CPA6: variants seen among roughly 807,000 people sequenced by gnomAD.
CPA6 encodes the protein carboxypeptidase A6.
In CPA6, 58 loss-of-function variants were observed where a neutral mutation model predicts 63.3. That is an observed-to-expected ratio of 0.92 (90% confidence interval 0.74 to 1.14). The LOEUF is 1.14. Among genes scored for constraint, CPA6 ranks in the 50% most tolerant of loss-of-function variants. The pLI is 0.00. For synonymous variants in CPA6, 185 were observed against 179.0 expected, an observed-to-expected ratio of 1.03 and a Z score of -0.27; for missense variants, 565 against 526.6, an observed-to-expected ratio of 1.07 and a Z score of -0.71.
intron 1 of CPA6, among the ~76,000 whole-genome samples, chr8:67,667,698 C>T (rs1039423737): frequency 6.6e-6 from 1 of 152,146 alleles, no homozygotes; most frequent in African/African-American, 2.4e-5. Flanking sequence ...TGATTTCTTT[C>T]AGTATGAGAA....
At chr8:67,504,022 A>G (rs1028448759) in intron 6 of CPA6, among the ~76,000 whole-genome samples, 3 of 152,154 alleles carry the variant, frequency 2.0e-5, no homozygotes, top group Non-Finnish European at 4.4e-5. Context: ...AATCCTCCCA[A>G]TAAGCCAATG....
chr8:67,702,749 G>A (rs1817052637), intron 1 of CPA6, among the ~76,000 whole-genome samples: 1 of 152,170 alleles, frequency 6.6e-6, no homozygotes. Context: ...CCCCTCTCAA[G>A]TGCTAGCAGG....
chr8:67,589,587 A>G (rs1054723476), intron 2 of CPA6, among the ~76,000 whole-genome samples: 6 of 152,298 alleles, frequency 3.9e-5, no homozygotes, highest in African/African-American at 1.4e-4. Flanking sequence ...TAGGGGTCTT[A>G]TCATCATTTT....
intron 8 of CPA6, among the ~76,000 whole-genome samples, chr8:67,473,470 A>G (rs1268890101): frequency 6.6e-6 from 1 of 152,254 alleles, no homozygotes; most frequent in Non-Finnish European, 1.5e-5. Flanking sequence ...AATGTTAGAC[A>G]AAGCTTATGA....
chr8:67,425,930 T>C (rs1163822038), intron 10 of CPA6, among the ~76,000 whole-genome samples: 2 of 150,150 alleles, frequency 1.3e-5, no homozygotes, highest in Non-Finnish European at 3.0e-5. Context: ...AGAATCTCGC[T>C]CTGTCACCCA....
intron 2 of CPA6, among the ~76,000 whole-genome samples, chr8:67,566,351 A>G (rs1165925717): frequency 6.6e-6 from 1 of 152,184 alleles, no homozygotes; most frequent in Non-Finnish European, 1.5e-5. Context: ...CACCAGCAGG[A>G]AATGTCCAGG....
chr8:67,690,145 C>T (rs1329375287), intron 1 of CPA6, among the ~76,000 whole-genome samples: 1 of 151,966 alleles, frequency 6.6e-6, no homozygotes, highest in Non-Finnish European at 1.5e-5. Context: ...AAGATATAAG[C>T]TTCTCATGTA....
chr8:67,447,506 T>TACACACACACAC (rs56840320), intron 8 of CPA6, among the ~76,000 whole-genome samples: 4 of 142,552 alleles, frequency 2.8e-5, no homozygotes, highest in Non-Finnish European at 6.1e-5. Flanking sequence ...TATGTGTGTA[T>TACACACACACAC]ACACACACAC....
chr8:67,734,028 C>T (rs1403312705), intron 1 of CPA6, among the ~76,000 whole-genome samples: 2 of 136,572 alleles, frequency 1.5e-5, no homozygotes. Flanking sequence ...CATGCGCCAC[C>T]ACACCTAGCA....
At chr8:67,475,812 T>TC (rs1313163980) in intron 8 of CPA6, among the ~76,000 whole-genome samples, 214 of 72,266 alleles carry the variant, frequency 3.0e-3, no homozygotes, top group Middle Eastern at 6.8e-3. Context: ...TTTCTTTCTT[T>TC]CTTTCCTTTC....
chr8:67,735,917 G>A (rs1200464398), intron 1 of CPA6, among the ~76,000 whole-genome samples: 1 of 152,058 alleles, frequency 6.6e-6, no homozygotes, highest in Non-Finnish European at 1.5e-5. Flanking sequence ...TCCCTCCAGG[G>A]GCACATTGCA....
At chr8:67,603,840 T>C (rs1814557865) in intron 2 of CPA6, among the ~76,000 whole-genome samples, 1 of 152,240 alleles carries the variant, frequency 6.6e-6, no homozygotes, top group Admixed American at 6.5e-5. Flanking sequence ...TGGTTTTGCT[T>C]TGCTTTTGCC....
intron 1 of CPA6, among the ~76,000 whole-genome samples, chr8:67,660,310 T>G (rs1480057464): frequency 6.7e-6 from 1 of 149,332 alleles, no homozygotes; most frequent in Non-Finnish European, 1.5e-5. Context: ...TGGTAAAAGT[T>G]AATTATTGCA....
At chr8:67,655,935 A>G (rs1295471822) in intron 1 of CPA6, among the ~76,000 whole-genome samples, 2 of 152,106 alleles carry the variant, frequency 1.3e-5, no homozygotes, top group Admixed American at 1.3e-4. Context: ...GTTTTTTCCA[A>G]GGTTACATCT....
chr8:67,495,139 T>G (rs1032815), intron 6 of CPA6, among the ~76,000 whole-genome samples: 47,427 of 151,730 alleles, frequency 0.31, 7,506 homozygotes, highest in Middle Eastern at 0.45. Flanking sequence ...CTTAGTGTAG[T>G]GTAGTGTTGG....
chr8:67,703,773 A>G (rs1337380713), intron 1 of CPA6, among the ~76,000 whole-genome samples: 2 of 152,124 alleles, frequency 1.3e-5, no homozygotes. Context: ...ACTAATCAGA[A>G]CCCCAGCTCT....
At chr8:67,660,496 ATTTTTTTTTTT>A (rs5892089) in intron 1 of CPA6, among the ~76,000 whole-genome samples, 14 of 78,940 alleles carry the variant, frequency 1.8e-4, no homozygotes, top group Non-Finnish European at 3.2e-4. Flanking sequence ...TGCCCGGCTC[ATTTTTTTTTTT>A]TTTTTTTTTT....
intron 2 of CPA6, among the ~76,000 whole-genome samples, chr8:67,583,519 T>C (rs1436918314): frequency 6.6e-6 from 1 of 152,102 alleles, no homozygotes; most frequent in Non-Finnish European, 1.5e-5. Context: ...AATAAAATCC[T>C]AGTATGTTGG....
chr8:67,574,527 T>C (rs973077636), intron 2 of CPA6, among the ~76,000 whole-genome samples: 3 of 152,164 alleles, frequency 2.0e-5, no homozygotes, highest in African/African-American at 7.2e-5. Flanking sequence ...AGCATGGTAC[T>C]AGCATAAAAT....
Sources: allele counts gnomAD v4.1 joint callset (sites outside exome capture counted in the v4.1 genomes callset), GRCh38; gene constraint gnomAD v4.1.1; transcripts MANE v1.5; gene names NCBI Gene and HGNC (gene_info 2026-07-23, HGNC 2026-07-21).